Variants in ZDHHC20 observed in about 807,000 individuals in gnomAD.
The protein encoded by ZDHHC20 is palmitoyltransferase ZDHHC20.
ZDHHC20 carries 43 observed loss-of-function variants against 57.8 expected under a neutral mutation model. The observed-to-expected ratio is 0.74, with a 90% confidence interval of 0.58 to 0.96. The LOEUF is 0.96. Among genes scored for constraint, ZDHHC20 ranks in the 40% least tolerant of loss-of-function variants. The pLI, the probability that ZDHHC20 is intolerant of heterozygous loss-of-function variation, is 0.00. For missense variants in ZDHHC20, 391 were observed against 441.1 expected, an observed-to-expected ratio of 0.89 and a Z score of 1.02; for synonymous variants, 157 against 153.0, an observed-to-expected ratio of 1.03 and a Z score of -0.19.
chr13:21,443,872 T>C (rs1326606658), intron 1 of ZDHHC20, among the ~76,000 whole-genome samples: 1 of 152,218 alleles, frequency 6.6e-6, no homozygotes, highest in Non-Finnish European at 1.5e-5. Context: ...GTCTGTGTTC[T>C]AAAATTTTGG....
At chr13:21,424,492 G>A (rs1881022633) in intron 2 of ZDHHC20, among the ~76,000 whole-genome samples, 1 of 152,126 alleles carries the variant, frequency 6.6e-6, no homozygotes, top group South Asian at 2.1e-4. Flanking sequence ...GGCGAATCAC[G>A]AGGTCAGGAG....
chr13:21,382,094 G>C, intron 10 of ZDHHC20: 1 of 379,932 alleles, frequency 2.6e-6, no homozygotes, highest in Non-Finnish European at 5.4e-6. Context: ...ACGATGCTAG[G>C]CATCTTATAC....
At position 21,376,523 on chromosome 13, in the gene ZDHHC20, G is replaced by T; in HGVS notation, c.*173C>A. ...TTCTGCTCTGGAGTAGTGCTTCTGT[G>T]AATCCCAGGAACTGTACAAAGGCTT... is the stretch of plus-strand genomic sequence containing the variant. On this transcript the variant is annotated 3_prime_UTR_variant, in exon 13 of 13. Coordinates refer to ENST00000400590, the MANE Select transcript of ZDHHC20 (RefSeq NM_001330059.2). The T allele has an allele frequency of 1.6e-6, 1 of 606,876 alleles. No individual in the cohort carries two copies. The highest frequency in any genetic ancestry group is 2.6e-6 in the Non-Finnish European group (1 of 386,888). The allele number at this position is 606,876 out of a possible 1,614,324, so 37.6% of individuals were successfully genotyped here. A position where few individuals can be genotyped will look rare whatever the true frequency, so the allele number is the denominator to read the frequency against.
rs1871427424 is a variant in ZDHHC20, at chr13:21,372,846, T to C, written c.*3850A>G. On this transcript the variant is annotated 3_prime_UTR_variant, in exon 13 of 13. Coordinates refer to ENST00000400590, the MANE Select transcript of ZDHHC20 (RefSeq NM_001330059.2). ...ACTTTAAAATAGTGTCCATCTTTTCTTTTAAACGGGCATAGACTCATTTGC... is the reference window on the plus strand; with the variant it reads ...ACTTTAAAATAGTGTCCATCTTTTCCTTTAAACGGGCATAGACTCATTTGC... The C allele has an allele frequency of 6.6e-6, 1 of 152,158 alleles. No individual in the cohort carries two copies. The highest frequency in any genetic ancestry group is 1.5e-5 in the Non-Finnish European group (1 of 67,870). The allele number at this position is 152,158 out of a possible 1,614,324, so 9.4% of individuals were successfully genotyped here.
At chr13:21,445,102 A>G (rs1883552439) in intron 1 of ZDHHC20, among the ~76,000 whole-genome samples, 1 of 151,866 alleles carries the variant, frequency 6.6e-6, no homozygotes, top group South Asian at 2.1e-4. Context: ...TGTATGTTTT[A>G]TATATTTATA....
intron 7 of ZDHHC20, among the ~76,000 whole-genome samples, chr13:21,398,670 G>A (rs568725441): frequency 6.6e-6 from 1 of 152,210 alleles, no homozygotes; most frequent in African/African-American, 2.4e-5. Context: ...AATTTTTCTA[G>A]CTTGGAAACT....
intron 6 of ZDHHC20, 130 bp downstream of exon 6, chr13:21,401,523 A>C: frequency 1.4e-6 from 1 of 731,772 alleles, no homozygotes; most frequent in Non-Finnish European, 2.2e-6. Flanking sequence ...ATACAAATCT[A>C]TGCATATATG....
chr13:21,446,059 G>C (rs913201493), intron 1 of ZDHHC20, among the ~76,000 whole-genome samples: 26 of 152,328 alleles, frequency 1.7e-4, no homozygotes, highest in African/African-American at 6.0e-4. Context: ...AATGAGCAAA[G>C]GAAGAAATTA....
Position 21,435,240 on chromosome 13 carries a change from G to GT in ZDHHC20, c.119-9563dup, listed in dbSNP as rs1882422572. ...CATCTGCTTACTTTTTTGTTTGTTT[G>GT]TTTTTTCTATTGTGCTTGGTGATTC... On this transcript the variant is annotated intron_variant, in intron 1 of 12. Coordinates refer to ENST00000400590, the MANE Select transcript of ZDHHC20 (RefSeq NM_001330059.2). 2.7e-5 allele frequency among the ~76,000 whole-genome samples: 4 copies of GT among 150,370 alleles called. No individual in the cohort carries two copies. In the South Asian group the frequency reaches 6.3e-4, roughly 24 times the overall value.
intron 3 of ZDHHC20, among the ~76,000 whole-genome samples, chr13:21,414,537 T>A (rs896168111): frequency 7.0e-6 from 1 of 143,650 alleles, no homozygotes; most frequent in Admixed American, 7.0e-5. Context: ...ATTTTTTTTT[T>A]TTTTTTTGTA....
rs1464938082 is a variant in ZDHHC20 at position 21,375,050 on chromosome 13, A to G, written c.*1646T>C. On this transcript the variant is annotated 3_prime_UTR_variant, in exon 13 of 13. Coordinates refer to ENST00000400590, the MANE Select transcript of ZDHHC20 (RefSeq NM_001330059.2). ...TTGGGAGGCTGAGGCAGGAGACTCT[A>G]TTGAACCTGGAAGGCAGAGGTTGCA... The G allele has an allele frequency of 2.2e-6, 1 of 447,024 alleles. No individual in the cohort carries two copies. The highest frequency in any genetic ancestry group is 4.5e-6 in the Non-Finnish European group (1 of 223,498). The allele number at this position is 447,024 out of a possible 1,614,324, so 27.7% of individuals were successfully genotyped here. A position where few individuals can be genotyped will look rare whatever the true frequency, so the allele number is the denominator to read the frequency against.
rs532905444 is a variant in ZDHHC20, at chr13:21,380,811, G to A, written c.1060+623C>T. ...ATCTCAAAAAAAAAAAAAGAATAAC[G>A]TTGCTTATTCAGAACAGCCAATGCC... On this transcript the variant is annotated intron_variant, in intron 11 of 12. Transcript: ENST00000400590. Among the ~76,000 whole-genome samples, 9 of 151,040 alleles carry A rather than the reference G, an allele frequency of 6.0e-5. No homozygotes were observed. The East Asian group carries it at 1.8e-3, about 30-fold the overall frequency.
chr13:21,439,488 C>G (rs1210144820), intron 1 of ZDHHC20, among the ~76,000 whole-genome samples: 5 of 151,864 alleles, frequency 3.3e-5, no homozygotes, highest in African/African-American at 4.8e-5. Flanking sequence ...CTCTGCACTG[C>G]AACAGAGTGA....
chr13:21,377,329 TGA>T (rs1872320095), intron 12 of ZDHHC20: 1 of 137,762 alleles, frequency 7.3e-6, no homozygotes, highest in Non-Finnish European at 1.5e-5. Flanking sequence ...CTGCCCGACG[TGA>T]CCTCCACCCC....
At chr13:21,417,473 C>G (rs2137887902) in intron 3 of ZDHHC20, among the ~76,000 whole-genome samples, 1 of 152,182 alleles carries the variant, frequency 6.6e-6, no homozygotes, top group East Asian at 1.9e-4. Context: ...GAGTTTCACT[C>G]TTGTTGCCCA....
At position 21,459,241 on chromosome 13, in the gene ZDHHC20, C is replaced by G. The variant is rs1593298719; in HGVS notation, c.-70G>C. On this transcript the variant is annotated 5_prime_UTR_variant, in exon 1 of 13. Coordinates refer to ENST00000400590, the MANE Select transcript of ZDHHC20 (RefSeq NM_001330059.2). Reference sequence around the variant, plus strand: ...AGCGCGGGAGCCCCGGCGACGGTGACTCGGACGCTCCAGGCGGCTGCTGGT... The same window carrying G: ...AGCGCGGGAGCCCCGGCGACGGTGAGTCGGACGCTCCAGGCGGCTGCTGGT... The G allele has an allele frequency of 8.0e-7, 1 of 1,257,858 alleles. No individual in the cohort carries two copies. The highest frequency in any genetic ancestry group is 1.4e-5 in the South Asian group (1 of 70,716). 77.9% of individuals were successfully genotyped at this position (1,257,858 alleles called of 1,614,324 possible). A position where few individuals can be genotyped will look rare whatever the true frequency, so the allele number is the denominator to read the frequency against.
chr13:21,426,746 C>T (rs1203727527), intron 1 of ZDHHC20, among the ~76,000 whole-genome samples: 1 of 151,946 alleles, frequency 6.6e-6, no homozygotes, highest in African/African-American at 2.4e-5. Context: ...GCTGGGATTA[C>T]AGGTGAGTGC....
intron 6 of ZDHHC20, among the ~76,000 whole-genome samples, chr13:21,401,218 G>A (rs1199646765): frequency 6.6e-6 from 1 of 152,124 alleles, no homozygotes; most frequent in Non-Finnish European, 1.5e-5. Context: ...GGTCAAGGCT[G>A]CAGTGAGACA....
chr13:21,427,475 T>G (rs533034265), intron 1 of ZDHHC20, among the ~76,000 whole-genome samples: 13 of 152,276 alleles, frequency 8.5e-5, no homozygotes, highest in Non-Finnish European at 1.8e-4. Context: ...GCTAATAGTT[T>G]CCAGCGGTTG....
Sources: allele counts gnomAD v4.1 joint callset (sites outside exome capture counted in the v4.1 genomes callset), GRCh38; gene constraint gnomAD v4.1.1; transcripts MANE v1.5; gene names NCBI Gene and HGNC (gene_info 2026-07-23, HGNC 2026-07-21).